The following ACSM3 variants were observed in gnomAD, a reference collection of about 807,000 sequenced individuals.
ACSM3 encodes acyl-CoA synthetase medium chain family member 3.
ACSM3 carries 61 observed loss-of-function variants against 74.1 expected under a neutral mutation model. The ratio of observed to expected loss-of-function variants is 0.82; its 90% confidence interval spans 0.67 to 1.02. The LOEUF (loss-of-function observed/expected upper bound fraction) is 1.02. ACSM3 is among the 50% of genes least tolerant of loss of function. The pLI is 0.00. For synonymous variants in ACSM3, 213 were observed against 241.5 expected (o/e 0.88, Z 1.09); for missense variants, 660 against 697.0 (o/e 0.95, Z 0.60).
intron 1 of ACSM3, among the ~76,000 whole-genome samples, chr16:20,718,850 T>C (rs1298724765): frequency 6.6e-6 from 1 of 152,240 alleles, no homozygotes; most frequent in Non-Finnish European, 1.5e-5. Context: ...CTATTTAAAA[T>C]AATGATATAC....
intron 1 of ACSM3, chr16:20,741,403 C>T (rs1281963966): frequency 1.4e-6 from 2 of 1,381,638 alleles, no homozygotes; most frequent in East Asian, 5.0e-5. Context: ...AGCCGTCACG[C>T]CGACGACCCG....
At chr16:20,713,880 G>C (rs1304783889) in intron 1 of ACSM3, among the ~76,000 whole-genome samples, 1 of 152,186 alleles carries the variant, frequency 6.6e-6, no homozygotes, top group African/African-American at 2.4e-5. Flanking sequence ...AGGGAAAGCT[G>C]TCTCATTGCC....
intron 3 of ACSM3, among the ~76,000 whole-genome samples, chr16:20,776,643 CT>C (rs968917813): frequency 6.6e-6 from 1 of 152,180 alleles, no homozygotes; most frequent in Non-Finnish European, 1.5e-5. Context: ...ATTTAATCCC[CT>C]AATTATCCTA....
chr16:20,676,877 A>C (rs907829838), intron 1 of ACSM3, among the ~76,000 whole-genome samples: 1 of 151,982 alleles, frequency 6.6e-6, no homozygotes, highest in Non-Finnish European at 1.5e-5. Context: ...ATAAAAAAAA[A>C]CCCTCCAGCC....
chr16:20,727,048 CTTAG>C (rs2079809028), intron 1 of ACSM3, among the ~76,000 whole-genome samples: 1 of 152,206 alleles, frequency 6.6e-6, no homozygotes, highest in South Asian at 2.1e-4. Flanking sequence ...GTAATAAGCA[CTTAG>C]TATCATTAAT....
chr16:20,746,720 A>G (rs1367175250), intron 1 of ACSM3, among the ~76,000 whole-genome samples: 1 of 152,190 alleles, frequency 6.6e-6, no homozygotes, highest in Non-Finnish European at 1.5e-5. Flanking sequence ...TGTGAACTTG[A>G]GTCTGCCCCT....
chr16:20,750,817 T>C (rs1567336927), intron 2 of ACSM3, among the ~76,000 whole-genome samples: 1 of 147,022 alleles, frequency 6.8e-6, no homozygotes, highest in East Asian at 2.0e-4. Flanking sequence ...CATAATGTAG[T>C]AGAGAGAATA....
At chr16:20,760,332 A>T (rs949490526), upstream of ACSM3, among the ~76,000 whole-genome samples, 1 of 152,172 alleles carries the variant, frequency 6.6e-6, no homozygotes, top group Non-Finnish European at 1.5e-5. Flanking sequence ...GGAGAGACTG[A>T]AAAAGGTTCA....
chr16:20,790,386 G>A lies in ACSM3; in HGVS notation c.1225-201G>A, dbSNP rs11864375. ...GACTGTTTGAGACCAGAAGTTTGAC[G>A]CTGCAGTGAGCTATGAGCTATGATT... On this transcript the variant is annotated intron_variant, in intron 9 of 13. Coordinates refer to ENST00000289416, the MANE Select transcript of ACSM3 (RefSeq NM_005622.4). The surrounding 1 kb of genome is among the most constrained non-coding windows in gnomAD (Gnocchi z 4.0). 6.6e-6 allele frequency among the ~76,000 whole-genome samples: 1 copy of A among 152,160 alleles called. No homozygotes were observed. Among genetic ancestry groups the A allele is most frequent in the African/African-American group, 2.4e-5 (1 of 41,434 alleles).
intron 1 of ACSM3, among the ~76,000 whole-genome samples, chr16:20,727,020 T>C (rs2079808905): frequency 6.6e-6 from 1 of 152,262 alleles, no homozygotes; most frequent in African/African-American, 2.4e-5. Flanking sequence ...CAGTATTAGC[T>C]GTTATATCAT....
At chr16:20,712,677 G>T (rs1307274671) in intron 1 of ACSM3, among the ~76,000 whole-genome samples, 1 of 151,774 alleles carries the variant, frequency 6.6e-6, no homozygotes, top group Non-Finnish European at 1.5e-5. Flanking sequence ...AGGCTGAGGT[G>T]GGTTGATCAC....
At chr16:20,703,992 G>A (rs2079720333) in intron 1 of ACSM3, 1 of 152,168 alleles carries the variant, frequency 6.6e-6, no homozygotes, top group East Asian at 1.9e-4. Flanking sequence ...CTTAGCGAGA[G>A]TATTATTATT....
chr16:20,717,953 AGAG>A (rs1352575481), intron 1 of ACSM3, among the ~76,000 whole-genome samples: 38 of 103,302 alleles, frequency 3.7e-4, no homozygotes, highest in African/African-American at 9.9e-4. Flanking sequence ...AGGAAGAGGA[AGAG>A]GAAGAAGAAG....
chr16:20,755,998 A>G (rs2080028568), intron 3 of ACSM3, among the ~76,000 whole-genome samples: 1 of 151,936 alleles, frequency 6.6e-6, no homozygotes, highest in African/African-American at 2.4e-5. Context: ...ATTCCATGGT[A>G]TATATGTACC....
At chr16:20,686,697 C>T (rs940820504) in intron 1 of ACSM3, among the ~76,000 whole-genome samples, 9 of 151,860 alleles carry the variant, frequency 5.9e-5, no homozygotes, top group African/African-American at 2.2e-4. Flanking sequence ...ACCTGTGGTC[C>T]CAGCTACTTG....
At chr16:20,699,654 G>A (rs535268439) in intron 1 of ACSM3, among the ~76,000 whole-genome samples, 7 of 152,206 alleles carry the variant, frequency 4.6e-5, no homozygotes, top group East Asian at 1.9e-4. Context: ...GAATGGAGAC[G>A]GGGGAAAAGC....
At chr16:20,784,840 G>T in intron 7 of ACSM3, 144 bp from the exon 8 acceptor site, 1 of 704,432 alleles carries the variant, frequency 1.4e-6, no homozygotes, top group Non-Finnish European at 2.2e-6. Context: ...TATGTTTATG[G>T]GGTAAAATGG....
intron 1 of ACSM3, chr16:20,731,737 AAAGT>A (rs2079831737): frequency 1.4e-5 from 5 of 361,656 alleles, no homozygotes; most frequent in East Asian, 6.2e-5. Context: ...AATATCCAAG[AAAGT>A]AAGTATTTTG....
chr16:20,701,377 CAT>C (rs1297506623), intron 1 of ACSM3, among the ~76,000 whole-genome samples: 1 of 152,134 alleles, frequency 6.6e-6, no homozygotes, highest in Admixed American at 6.5e-5. Context: ...TCCAGTATTG[CAT>C]GGACTTGTAT....
Sources: allele counts gnomAD v4.1 joint callset (sites outside exome capture counted in the v4.1 genomes callset), GRCh38; gene constraint gnomAD v4.1.1; non-coding constraint Gnocchi (gnomAD v3.1); transcripts MANE v1.5; gene names NCBI Gene and HGNC (gene_info 2026-07-23, HGNC 2026-07-21).